MTA3: variants seen among roughly 807,000 people sequenced by gnomAD.
MTA3 encodes metastasis-associated protein MTA3.
A neutral mutation model predicts 83.5 loss-of-function variants in MTA3; 34 were observed. The observed-to-expected ratio is 0.41, with a 90% CI of 0.31 to 0.54. The LOEUF (loss-of-function observed/expected upper bound fraction) is 0.54. Among genes scored for constraint, MTA3 ranks in the 20% least tolerant of loss-of-function variants. The pLI, the probability that MTA3 is intolerant of heterozygous loss-of-function variation, is 0.33. For missense variants in MTA3, 761 were observed against 726.4 expected, an observed-to-expected ratio of 1.05 and a Z score of -0.55; for synonymous variants, 303 against 252.7, an observed-to-expected ratio of 1.20 and a Z score of -1.89.
In MTA3 at chr2:42,605,814, A is replaced by C. The variant is rs1201992190; in HGVS notation, c.191-3644A>C. On this transcript the variant is annotated intron_variant, in intron 3 of 16. Coordinates refer to ENST00000405094, the MANE Select transcript of MTA3 (RefSeq NM_001330442.2). ...CGGGCAGAGGCGCCCCTCAGCTCCC[A>C]GACGGGGCGGCTGGCCGGGTGGAGG... Among the ~76,000 whole-genome samples the C allele has an allele frequency of 3.4e-4, 27 of 78,554 alleles. 1 individual carries two copies. In the South Asian group the frequency reaches 6.1e-3, roughly 18 times the overall value. 51.5% of individuals were successfully genotyped at this position (78,554 alleles called of 152,430 possible).
intron 2 of MTA3, among the ~76,000 whole-genome samples, chr2:42,498,042 G>A (rs1298081452): frequency 2.6e-5 from 4 of 152,126 alleles, no homozygotes; most frequent in Non-Finnish European, 5.9e-5. Context: ...GGATGTGTTC[G>A]AGGACTCCAA....
intron 9 of MTA3, among the ~76,000 whole-genome samples, chr2:42,683,457 A>G (rs1243855762): frequency 6.6e-6 from 1 of 152,110 alleles, no homozygotes; most frequent in Non-Finnish European, 1.5e-5. Context: ...CAGTTTTTCC[A>G]TGGACTGGGG....
chr2:42,668,249 T>G (rs1488432783), intron 8 of MTA3, among the ~76,000 whole-genome samples: 1 of 152,234 alleles, frequency 6.6e-6, no homozygotes, highest in African/African-American at 2.4e-5. Context: ...TAGAGCTGTT[T>G]GCAACATTAG....
intron 16 of MTA3, among the ~76,000 whole-genome samples, chr2:42,730,264 T>G (rs1668149802): frequency 6.6e-6 from 1 of 152,194 alleles, no homozygotes; most frequent in Non-Finnish European, 1.5e-5. Context: ...TAAATAACAG[T>G]GGTGAAACTG....
At position 42,604,073 on chromosome 2, in the gene MTA3, C is replaced by T. The variant is rs1001552824; in HGVS notation, c.191-5385C>T. Among the ~76,000 whole-genome samples, 3 of 151,590 alleles carry T rather than the reference C, an allele frequency of 2.0e-5. No homozygotes were observed. In the South Asian group the frequency reaches 6.3e-4, roughly 32 times the overall value. On this transcript the variant is annotated intron_variant, in intron 3 of 16. Coordinates refer to ENST00000405094, the MANE Select transcript of MTA3 (RefSeq NM_001330442.2). Reference sequence around the variant, plus strand: ...TCTTTGTTTTTGAAACAGAGTTTTGCTCTTGTCGCCCAGGCTGGAGTGCAA... The same window carrying T: ...TCTTTGTTTTTGAAACAGAGTTTTGTTCTTGTCGCCCAGGCTGGAGTGCAA...
chr2:42,748,469 A>G (rs908748811), intron 16 of MTA3, among the ~76,000 whole-genome samples: 18 of 152,154 alleles, frequency 1.2e-4, no homozygotes, highest in Admixed American at 9.8e-4. Flanking sequence ...TATTTCTTCT[A>G]CAGTATCAAA....
At chr2:42,707,855 C>CA (rs764845648) in intron 12 of MTA3, 48 bp from the exon 13 acceptor site, 29 of 1,455,522 alleles carry the variant, frequency 2.0e-5, no homozygotes, top group Non-Finnish European at 2.6e-5. Context: ...GTTGATGTTA[C>CA]AAATTAAATA....
At position 42,578,369 on chromosome 2, in the gene MTA3, A is replaced by G. The variant is rs1679274208; in HGVS notation, c.97-738A>G. 2.0e-5 allele frequency among the ~76,000 whole-genome samples: 3 copies of G among 152,204 alleles called. No individual in the cohort carries two copies. The South Asian group carries it at 6.2e-4, about 31-fold the overall frequency. ...AACTGAATTTTTTTTTGAAGCCATCATACTTTGGAAGAACCTAACTGAATA... is the reference window on the plus strand; with the variant it reads ...AACTGAATTTTTTTTTGAAGCCATCGTACTTTGGAAGAACCTAACTGAATA... On this transcript the variant is annotated intron_variant, in intron 2 of 16. Transcript: ENST00000405094.
intron 3 of MTA3, among the ~76,000 whole-genome samples, chr2:42,587,269 G>A (rs1573083091): frequency 6.6e-6 from 1 of 152,016 alleles, no homozygotes; most frequent in African/African-American, 2.4e-5. Flanking sequence ...CCATGATTGC[G>A]CCACTGCACT....
chr2:42,626,531 C>T (rs989453008), intron 4 of MTA3, among the ~76,000 whole-genome samples: 8 of 151,524 alleles, frequency 5.3e-5, no homozygotes, highest in Admixed American at 1.3e-4. Context: ...CTCCTGACCT[C>T]GTGATCCGCC....
chr2:42,753,515 G>A lies in MTA3; in HGVS notation c.*116G>A. On this transcript the variant is annotated 3_prime_UTR_variant, in exon 17 of 17. Transcript: ENST00000405094. ...CAGTACATTTCAGTGGGAGACCTCT[G>A]CGTGCATCCATGGAGACGCAATGGG... The A allele has an allele frequency of 5.2e-6, 8 of 1,524,316 alleles. No individual in the cohort carries two copies. The South Asian group carries it at 7.4e-5, about 14-fold the overall frequency. 94.4% of individuals were successfully genotyped at this position (1,524,316 alleles called of 1,614,324 possible).
intron 8 of MTA3, among the ~76,000 whole-genome samples, chr2:42,677,591 G>T (rs1394669217): frequency 6.6e-6 from 1 of 152,038 alleles, no homozygotes; most frequent in Non-Finnish European, 1.5e-5. Flanking sequence ...CAGTCCGCCT[G>T]CCTCAGCCTC....
chr2:42,643,386 C>T (rs981381985), intron 5 of MTA3, among the ~76,000 whole-genome samples: 3 of 151,978 alleles, frequency 2.0e-5, no homozygotes, highest in Non-Finnish European at 4.4e-5. Flanking sequence ...AGTGGTTATA[C>T]GGAATTCAGC....
intron 16 of MTA3, among the ~76,000 whole-genome samples, chr2:42,726,798 C>T (rs1667852354): frequency 6.6e-6 from 1 of 152,186 alleles, no homozygotes; most frequent in South Asian, 2.1e-4. Flanking sequence ...GGACTGGGTG[C>T]AGATAGTCAG....
chr2:42,734,227 A>G (rs960679404), intron 16 of MTA3, among the ~76,000 whole-genome samples: 3 of 152,164 alleles, frequency 2.0e-5, no homozygotes, highest in Non-Finnish European at 4.4e-5. Context: ...TGGTGCATAT[A>G]TATTTGTAAT....
rs1335776613 is a variant in MTA3 at position 42,691,285 on chromosome 2, C to A, written c.892-4480C>A. Among the ~76,000 whole-genome samples, 3 of 152,298 alleles carry A rather than the reference C, an allele frequency of 2.0e-5. No individual in the cohort carries two copies. In the South Asian group the frequency reaches 6.2e-4, roughly 32 times the overall value. On this transcript the variant is annotated intron_variant, in intron 9 of 16. Coordinates refer to ENST00000405094, the MANE Select transcript of MTA3 (RefSeq NM_001330442.2). ...TCAGCCTCCCAAAGTGCTAGGATTA[C>A]AGGCGTGAGCCACCACACCGCGGCC... is the stretch of plus-strand genomic sequence containing the variant.
chr2:42,514,867 T>G (rs1389063480), intron 2 of MTA3, among the ~76,000 whole-genome samples: 1 of 150,476 alleles, frequency 6.6e-6, no homozygotes, highest in Non-Finnish European at 1.5e-5. Context: ...TGTTTTTATT[T>G]TTTATAGAGA....
At chr2:42,573,614 A>T (rs1678720761) in intron 2 of MTA3, among the ~76,000 whole-genome samples, 1 of 151,696 alleles carries the variant, frequency 6.6e-6, no homozygotes, top group Non-Finnish European at 1.5e-5. Flanking sequence ...GGGTTCAAGC[A>T]ATTCTTCTGC....
chr2:42,668,344 G>A (rs373808271), intron 8 of MTA3, among the ~76,000 whole-genome samples: 7 of 152,258 alleles, frequency 4.6e-5, no homozygotes, highest in African/African-American at 1.7e-4. Context: ...CAAACATTGG[G>A]CCCTTCTGGC....
Sources: gnomAD v4.1 joint callset for allele counts (sites outside exome capture counted in the v4.1 genomes callset) on GRCh38, gnomAD v4.1.1 for gene constraint, MANE v1.5 for transcripts, NCBI Gene and HGNC (gene_info 2026-07-23, HGNC 2026-07-21) for gene names.